The following ZMIZ1 variants were observed in gnomAD, a reference collection of about 807,000 sequenced individuals.
The protein encoded by ZMIZ1 is zinc finger MIZ domain-containing protein 1.
Under a neutral mutation model 113.9 loss-of-function variants are expected in ZMIZ1, and 17 were observed. The observed-to-expected ratio is 0.15, with a 90% CI of 0.10 to 0.22. The LOEUF is 0.22. Among genes scored for constraint, ZMIZ1 ranks in the 10% least tolerant of loss-of-function variants. The probability of loss-of-function intolerance (pLI) is 1.00; values close to 1 mark genes in which losing one functional copy is unlikely to be tolerated. For missense variants in ZMIZ1, 1,059 were observed against 1,477.8 expected, an observed-to-expected ratio of 0.72 and a Z score of 4.65; for synonymous variants, 607 against 603.1, an observed-to-expected ratio of 1.01 and a Z score of -0.09.
intron 7 of ZMIZ1, among the ~76,000 whole-genome samples, chr10:79,219,738 G>T (rs1274920237): frequency 6.6e-6 from 1 of 152,172 alleles, no homozygotes; most frequent in Non-Finnish European, 1.5e-5. Flanking sequence ...CACTATGCAG[G>T]CTCCCAGGGA....
intron 2 of ZMIZ1, among the ~76,000 whole-genome samples, chr10:79,131,753 T>G (rs1427037566): frequency 2.0e-5 from 3 of 152,336 alleles, no homozygotes; most frequent in South Asian, 4.1e-4. Context: ...GGAGACCCTC[T>G]GTGCTGGCCA....
intron 4 of ZMIZ1, among the ~76,000 whole-genome samples, chr10:79,187,881 A>G (rs752239680): frequency 3.9e-5 from 6 of 152,164 alleles, no homozygotes; most frequent in Non-Finnish European, 7.4e-5. Context: ...CCCCAGCCCC[A>G]GAATAGTGTG....
At chr10:79,141,996 A>C (rs1256624179) in intron 3 of ZMIZ1, among the ~76,000 whole-genome samples, 3 of 152,180 alleles carry the variant, frequency 2.0e-5, no homozygotes, top group Non-Finnish European at 2.9e-5. Context: ...AAGGCTGAAT[A>C]TATTTCAGAG....
At chr10:79,134,097 CT>C (rs1265866810) in intron 2 of ZMIZ1, among the ~76,000 whole-genome samples, 1 of 152,170 alleles carries the variant, frequency 6.6e-6, no homozygotes, top group Non-Finnish European at 1.5e-5. Flanking sequence ...CTTGAGGCCC[CT>C]GATCAGATAT....
At chr10:79,136,932 G>A (rs1314945626) in intron 2 of ZMIZ1, among the ~76,000 whole-genome samples, 1 of 152,128 alleles carries the variant, frequency 6.6e-6, no homozygotes, top group Non-Finnish European at 1.5e-5. Flanking sequence ...AGGGGCAGCA[G>A]TTTGCAAACA....
In ZMIZ1 at chr10:79,249,927, G is replaced by GAA. The variant is rs1850445512; in HGVS notation, c.281-27254_281-27253insAA. Among the ~76,000 whole-genome samples, 3 of 152,280 alleles carry GAA rather than the reference G, an allele frequency of 2.0e-5. No individual in the cohort carries two copies. In the South Asian group the frequency reaches 6.2e-4, roughly 32 times the overall value. On this transcript the variant is annotated intron_variant, in intron 7 of 24. Transcript: ENST00000334512. ...GACAGTAATTATGAAACCCACATCT[G>GAA]TCATTTACCAGGTGACTTTGAGTAA...
At chr10:79,260,885 C>T (rs1455423762) in intron 7 of ZMIZ1, among the ~76,000 whole-genome samples, 2 of 152,206 alleles carry the variant, frequency 1.3e-5, no homozygotes, top group Non-Finnish European at 2.9e-5. Context: ...TCTCTGAACA[C>T]TAGTTTCCTC....
At chr10:79,076,901 G>A (rs901256150) in intron 1 of ZMIZ1, among the ~76,000 whole-genome samples, 5 of 152,096 alleles carry the variant, frequency 3.3e-5, no homozygotes, top group South Asian at 2.1e-4. Context: ...CTCATCTGCC[G>A]GGACCTGTTT....
At chr10:79,085,089 C>T (rs1344262492) in intron 1 of ZMIZ1, among the ~76,000 whole-genome samples, 1 of 152,098 alleles carries the variant, frequency 6.6e-6, no homozygotes, top group Non-Finnish European at 1.5e-5. Flanking sequence ...CTGAGGGCCA[C>T]AGGTCCTGTG....
At position 79,298,421 on chromosome 10, in the gene ZMIZ1, C is replaced by T; in HGVS notation, c.1507C>T (p.Pro503Ser). The T allele has an allele frequency of 1.2e-6, 2 of 1,609,410 alleles. No homozygotes were observed. Among genetic ancestry groups the T allele is most frequent in the Non-Finnish European group, 1.7e-6 (2 of 1,177,880 alleles). The stretch of plus-strand genomic sequence containing the variant: ...TTCCCTCCAGCCTCCCAGGCCGGTT[C>T]CTGTGGCAAATTACCCCCACTCACC... Reference protein sequence around the residue: ...GNVNRPPRPVPVANYPHSPVP... With the variant: ...GNVNRPPRPVSVANYPHSPVP... The change falls in exon 15 of 25, where the codon CCT becomes TCT. Residue 503 changes from proline (P) to serine (S), a missense_variant. Physicochemically the swap from Pro to Ser is moderately conservative, Grantham distance 74 (BLOSUM62 -1). Transcript: ENST00000334512.
chr10:79,204,651 C>G (rs181506202), intron 5 of ZMIZ1, among the ~76,000 whole-genome samples: 164 of 152,318 alleles, frequency 1.1e-3, no homozygotes, highest in African/African-American at 3.8e-3. Context: ...ATCACAGAGT[C>G]TAGCATAGCA....
chr10:79,115,484 A>G (rs1394338136), intron 1 of ZMIZ1, among the ~76,000 whole-genome samples: 3 of 152,152 alleles, frequency 2.0e-5, no homozygotes, highest in Non-Finnish European at 4.4e-5. Flanking sequence ...GCATCATCCT[A>G]TTGCTGGTAA....
intron 4 of ZMIZ1, among the ~76,000 whole-genome samples, chr10:79,162,868 G>C (rs1028168055): frequency 2.0e-5 from 3 of 152,158 alleles, no homozygotes; most frequent in African/African-American, 2.4e-5. Context: ...GCCTGATAAG[G>C]GGGGCAGGGC....
chr10:79,150,417 C>T (rs535686130), intron 3 of ZMIZ1, among the ~76,000 whole-genome samples: 39 of 152,378 alleles, frequency 2.6e-4, no homozygotes, highest in African/African-American at 5.0e-4. Flanking sequence ...TCTGGGCCCA[C>T]GCCCGTCCTG....
At chr10:79,299,328 T>A (rs1304186176) in intron 16 of ZMIZ1, 137 bp downstream of exon 16, 1 of 1,288,190 alleles carries the variant, frequency 7.8e-7, no homozygotes, top group Admixed American at 2.8e-5. Flanking sequence ...CATCATTGAC[T>A]GGGCCCTGTC....
chr10:79,271,957 A>G (rs1005690594), intron 7 of ZMIZ1, among the ~76,000 whole-genome samples: 1 of 152,318 alleles, frequency 6.6e-6, no homozygotes, highest in South Asian at 2.1e-4. Flanking sequence ...AACACTTTGT[A>G]GGTGTTAGTG....
intron 23 of ZMIZ1, among the ~76,000 whole-genome samples, chr10:79,308,791 A>AC (rs1564607968): frequency 1.3e-5 from 2 of 151,692 alleles, no homozygotes; most frequent in Non-Finnish European, 2.9e-5. Context: ...CCAAAATCAC[A>AC]CCCCCCGACA....
At chr10:79,247,629 G>A (rs547004435) in intron 7 of ZMIZ1, among the ~76,000 whole-genome samples, 7 of 152,304 alleles carry the variant, frequency 4.6e-5, no homozygotes, top group South Asian at 2.1e-4. Flanking sequence ...CCCACCCCCC[G>A]TAGGGTGAGG....
intron 3 of ZMIZ1, among the ~76,000 whole-genome samples, chr10:79,152,631 C>G (rs1432744159): frequency 6.6e-6 from 1 of 152,282 alleles, no homozygotes; most frequent in South Asian, 2.1e-4. Flanking sequence ...TCCGCCCTGC[C>G]CGGATCCCCA....
Sources: allele counts gnomAD v4.1 joint callset (sites outside exome capture counted in the v4.1 genomes callset), GRCh38; gene constraint gnomAD v4.1.1; transcripts MANE v1.5; gene names NCBI Gene and HGNC (gene_info 2026-07-23, HGNC 2026-07-21).